The following MAN2A1 variants were observed in gnomAD, a reference collection of about 807,000 sequenced individuals.
MAN2A1 encodes mannosidase alpha class 2A member 1.
In MAN2A1, 76 loss-of-function variants were observed where a neutral mutation model predicts 142.6. The ratio of observed to expected loss-of-function variants is 0.53; its 90% confidence interval spans 0.44 to 0.65. The LOEUF (loss-of-function observed/expected upper bound fraction) is 0.65, where lower values mean the gene tolerates loss of function less well. Ranked by LOEUF, MAN2A1 falls within the 30% of genes least tolerant of loss-of-function variation. MAN2A1 has a pLI of 0.00. For missense variants in MAN2A1, 1,311 were observed against 1,365.1 expected, an observed-to-expected ratio of 0.96 and a Z score of 0.62; for synonymous variants, 559 against 473.2, an observed-to-expected ratio of 1.18 and a Z score of -2.35.
chr5:109,812,545 T>G (rs1024443336), intron 12 of MAN2A1, among the ~76,000 whole-genome samples: 1 of 152,162 alleles, frequency 6.6e-6, no homozygotes, highest in African/African-American at 2.4e-5. Flanking sequence ...TTAGGTTATA[T>G]TCCACTAATG....
intron 6 of MAN2A1, among the ~76,000 whole-genome samples, chr5:109,769,395 G>A (rs959230352): frequency 1.3e-5 from 2 of 152,154 alleles, no homozygotes; most frequent in African/African-American, 4.8e-5. Context: ...TCTTAATGAA[G>A]CAGTTATTTT....
At chr5:109,745,725 C>T (rs1213935237) in intron 4 of MAN2A1, among the ~76,000 whole-genome samples, 1 of 152,122 alleles carries the variant, frequency 6.6e-6, no homozygotes, top group Non-Finnish European at 1.5e-5. Flanking sequence ...TCAAGTGATA[C>T]TCTACCTCAG....
intron 5 of MAN2A1, among the ~76,000 whole-genome samples, chr5:109,758,045 G>C (rs1462826678): frequency 6.6e-6 from 1 of 152,062 alleles, no homozygotes; most frequent in African/African-American, 2.4e-5. Flanking sequence ...TTCTTCCTAG[G>C]AGTAGAATTG....
intron 3 of MAN2A1, among the ~76,000 whole-genome samples, chr5:109,722,797 C>G (rs559215199): frequency 2.0e-5 from 3 of 152,162 alleles, no homozygotes; most frequent in African/African-American, 4.8e-5. Flanking sequence ...GTAGCCCCCT[C>G]GTGTACCCTA....
chr5:109,741,238 G>T (rs1032339724), intron 4 of MAN2A1, among the ~76,000 whole-genome samples: 1 of 152,054 alleles, frequency 6.6e-6, no homozygotes, highest in African/African-American at 2.4e-5. Flanking sequence ...TTCTGTTTCT[G>T]GTCAAGATTT....
At chr5:109,788,826 G>A (rs1582898427) in intron 10 of MAN2A1, 108 bp from the exon 11 acceptor site, 1 of 613,134 alleles carries the variant, frequency 1.6e-6, no homozygotes, top group East Asian at 2.8e-5. Flanking sequence ...GTTTCACTTT[G>A]AATACAAGAT....
chr5:109,714,748 G>A (rs56049028), intron 2 of MAN2A1, among the ~76,000 whole-genome samples: 855 of 152,274 alleles, frequency 5.6e-3, no homozygotes, highest in Non-Finnish European at 8.4e-3. Context: ...AACTGCTGAG[G>A]GCAGAGAACA....
chr5:109,847,045 C>T (rs762468484), intron 18 of MAN2A1, among the ~76,000 whole-genome samples: 5 of 151,946 alleles, frequency 3.3e-5, no homozygotes, highest in Non-Finnish European at 5.9e-5. Context: ...TGGAATTTTA[C>T]GTGAAGTTGT....
intron 4 of MAN2A1, among the ~76,000 whole-genome samples, chr5:109,737,612 A>G (rs944700758): frequency 6.6e-6 from 1 of 152,106 alleles, no homozygotes; most frequent in Admixed American, 6.6e-5. Flanking sequence ...TATTGCATAC[A>G]CGTTCTTAAA....
At chr5:109,765,956 T>C (rs1752977828) in intron 5 of MAN2A1, among the ~76,000 whole-genome samples, 2 of 151,230 alleles carry the variant, frequency 1.3e-5, no homozygotes, top group South Asian at 4.2e-4. Context: ...TTCTTTCAGG[T>C]TTTTTTTTCT....
chr5:109,817,811 A>G (rs533124060), intron 13 of MAN2A1, among the ~76,000 whole-genome samples: 7 of 152,294 alleles, frequency 4.6e-5, no homozygotes, highest in African/African-American at 1.4e-4. Flanking sequence ...CGAAAGTGAG[A>G]TAAATACCAC....
chr5:109,741,542 T>A (rs951480568), intron 4 of MAN2A1, among the ~76,000 whole-genome samples: 1 of 152,200 alleles, frequency 6.6e-6, no homozygotes, highest in Non-Finnish European at 1.5e-5. Flanking sequence ...ATGGATTAAA[T>A]CTGTACCTAA....
chr5:109,767,979 C>A (rs971656575), intron 6 of MAN2A1, among the ~76,000 whole-genome samples: 1 of 152,172 alleles, frequency 6.6e-6, no homozygotes, highest in Non-Finnish European at 1.5e-5. Flanking sequence ...ATAATGCTTT[C>A]ACTTGCTTCT....
At chr5:109,836,286 G>GT (rs1755052868) in intron 16 of MAN2A1, among the ~76,000 whole-genome samples, 1 of 148,954 alleles carries the variant, frequency 6.7e-6, no homozygotes, top group Non-Finnish European at 1.5e-5. Context: ...ATTTTTGTGG[G>GT]GTTTTTTTTT....
chr5:109,726,942 C>G (rs1363555192), intron 3 of MAN2A1, among the ~76,000 whole-genome samples: 1 of 152,132 alleles, frequency 6.6e-6, no homozygotes, highest in Non-Finnish European at 1.5e-5. Flanking sequence ...TCTAATAGAA[C>G]CATTTCATTT....
At chr5:109,821,327 A>G (rs1754616587) in intron 15 of MAN2A1, among the ~76,000 whole-genome samples, 1 of 152,108 alleles carries the variant, frequency 6.6e-6, no homozygotes. Flanking sequence ...GATGTTGCTT[A>G]TATTCTTTTT....
chr5:109,784,798 A>T lies in MAN2A1; in HGVS notation c.1632A>T (p.Ile544=). The T allele has an allele frequency of 6.2e-7, 1 of 1,611,774 alleles. No homozygotes were observed. The highest frequency in any genetic ancestry group is 8.5e-7 in the Non-Finnish European group (1 of 1,179,178). Residue 544 remains isoleucine, a synonymous_variant, in exon 10 of 22, where the codon ATA becomes ATT. Transcript: ENST00000261483. ...TGAGACAAGCTCACAAATACAAGAT[A>T]AATAAATTTCTCTCATCATCACTTT... The part of the protein sequence containing the change: ...FALRQAHKYK[I]NKFLSSSLYT...
At chr5:109,799,323 C>G (rs1753951810) in intron 12 of MAN2A1, among the ~76,000 whole-genome samples, 1 of 152,180 alleles carries the variant, frequency 6.6e-6, no homozygotes, top group Non-Finnish European at 1.5e-5. Flanking sequence ...TCTCTTGCAT[C>G]AGCTCAGTCT....
At chr5:109,862,847 CA>C (rs1755790150) in intron 20 of MAN2A1, 2 of 152,098 alleles carry the variant, frequency 1.3e-5, no homozygotes, top group African/African-American at 4.8e-5. Flanking sequence ...TTCGTTTTTA[CA>C]AAAGTGATGT....
Sources: allele counts gnomAD v4.1 joint callset (sites outside exome capture counted in the v4.1 genomes callset), GRCh38; gene constraint gnomAD v4.1.1; transcripts MANE v1.5; gene names NCBI Gene and HGNC (gene_info 2026-07-23, HGNC 2026-07-21).